ETNK1: variants seen among roughly 807,000 people sequenced by gnomAD.
ETNK1 encodes the protein putative protein product of Nbla10396.
In ETNK1, 8 loss-of-function variants were observed where a neutral mutation model predicts 45.1. The observed-to-expected ratio is 0.18, with a 90% CI of 0.10 to 0.32. The LOEUF is 0.32. ETNK1 is among the 10% of genes least tolerant of loss of function. The pLI is 1.00. For synonymous variants in ETNK1, 152 were observed against 151.9 expected (o/e 1.00, Z -0.01); for missense variants, 302 against 430.6 (o/e 0.70, Z 2.64).
chr12:22,627,115 A>C (rs757249589), intron 1 of ETNK1, among the ~76,000 whole-genome samples: 2 of 152,050 alleles, frequency 1.3e-5, no homozygotes, highest in African/African-American at 2.4e-5. Flanking sequence ...TGTCTGTAGA[A>C]TAGTAATAAT....
chr12:22,646,689 A>T (rs1953811163), intron 2 of ETNK1, among the ~76,000 whole-genome samples: 1 of 151,862 alleles, frequency 6.6e-6, no homozygotes, highest in Non-Finnish European at 1.5e-5. Flanking sequence ...ATCAAAGTCC[A>T]CAGTACTTTC....
At chr12:22,644,963 C>G (rs1953788902) in intron 2 of ETNK1, among the ~76,000 whole-genome samples, 2 of 151,938 alleles carry the variant, frequency 1.3e-5, no homozygotes, top group Non-Finnish European at 2.9e-5. Context: ...ACCAGTAACA[C>G]TTATCTATTG....
chr12:22,635,555 G>T (rs1311162792), intron 1 of ETNK1, among the ~76,000 whole-genome samples: 4 of 152,226 alleles, frequency 2.6e-5, no homozygotes, highest in African/African-American at 9.6e-5. Context: ...TTAGGTGACA[G>T]ATACCACTTG....
intron 2 of ETNK1, among the ~76,000 whole-genome samples, chr12:22,654,948 A>T (rs1953919692): frequency 6.6e-6 from 1 of 152,184 alleles, no homozygotes; most frequent in Non-Finnish European, 1.5e-5. Flanking sequence ...GTGTGCATTC[A>T]ATCTTTCTAT....
At chr12:22,649,538 G>A (rs1953848465) in intron 2 of ETNK1, among the ~76,000 whole-genome samples, 1 of 152,002 alleles carries the variant, frequency 6.6e-6, no homozygotes, top group Non-Finnish European at 1.5e-5. Flanking sequence ...ATATGGGTCT[G>A]TTTCTGGGTT....
At chr12:22,656,511 A>G (rs1953942690) in intron 2 of ETNK1, 1 of 985,286 alleles carries the variant, frequency 1.0e-6, no homozygotes, top group Non-Finnish European at 1.2e-6. Flanking sequence ...TTGGATGACT[A>G]CTTCCCTGAG....
chr12:22,640,522 CA>C (rs1196801307), intron 1 of ETNK1, among the ~76,000 whole-genome samples: 3 of 150,554 alleles, frequency 2.0e-5, no homozygotes, highest in Non-Finnish European at 4.4e-5. Flanking sequence ...ATTGTTTTAA[CA>C]TATATTTTAG....
chr12:22,635,236 C>T (rs1371816214), intron 1 of ETNK1, among the ~76,000 whole-genome samples: 1 of 152,230 alleles, frequency 6.6e-6, no homozygotes, highest in Non-Finnish European at 1.5e-5. Context: ...TGCTCTGCTT[C>T]AGTATGTGTG....
intron 1 of ETNK1, among the ~76,000 whole-genome samples, chr12:22,630,255 T>G (rs11046503): frequency 0.23 from 35,208 of 152,054 alleles, 4,881 homozygotes; most frequent in Non-Finnish European, 0.32. Flanking sequence ...ACTACGTTCT[T>G]CCACCTCTCA....
intron 6 of ETNK1, among the ~76,000 whole-genome samples, chr12:22,681,763 C>G (rs1281517137): frequency 6.6e-6 from 1 of 151,992 alleles, no homozygotes; most frequent in African/African-American, 2.4e-5. Flanking sequence ...TCTTTAATGT[C>G]TGGTTTAATG....
intron 2 of ETNK1, among the ~76,000 whole-genome samples, chr12:22,652,366 A>G (rs1343379088): frequency 6.6e-6 from 1 of 152,182 alleles, no homozygotes; most frequent in East Asian, 1.9e-4. Flanking sequence ...TTTCGGGTGA[A>G]TGCCCAGAAG....
At chr12:22,682,704 T>TA (rs1954224709) in intron 6 of ETNK1, among the ~76,000 whole-genome samples, 1 of 152,060 alleles carries the variant, frequency 6.6e-6, no homozygotes, top group South Asian at 2.1e-4. Context: ...ATAAGACTAT[T>TA]ACACTAGTGT....
In ETNK1 at chr12:22,690,167, T is replaced by G. The variant is rs1162245335; in HGVS notation, c.*5213T>G. ...GTGAACCATAGTAGTATAATGCTGC[T>G]TTGTATATAATGTAAGTGCTACAAA... On this transcript the variant is annotated 3_prime_UTR_variant, in exon 8 of 8. Transcript: ENST00000266517. 1.3e-5 allele frequency: 2 copies of G among 152,520 alleles called. No individual in the cohort carries two copies. Among genetic ancestry groups the G allele is most frequent in the Non-Finnish European group, 2.9e-5 (2 of 67,914 alleles). The allele number at this position is 152,520 out of a possible 1,614,324, so 9.4% of individuals were successfully genotyped here.
In ETNK1 at chr12:22,661,125, T is replaced by G. The variant is rs1384730171; in HGVS notation, c.620T>G (p.Ile207Ser). The G allele has an allele frequency of 1.2e-6, 2 of 1,612,766 alleles. No individual in the cohort carries two copies. Among genetic ancestry groups the G allele is most frequent in the Admixed American group, 1.7e-5 (1 of 59,680 alleles). The stretch of plus-strand genomic sequence containing the variant: ...GAAGAGATGACTTGGATGAAGGAGA[T>G]TCTTTCCAACCTGGGCTCACCTGTT... ...LQEEMTWMKE[I>S]LSNLGSPVVL... Residue 207 changes from isoleucine to serine, a missense_variant, in exon 4 of 8, where the codon ATT becomes AGT. Physicochemically the swap from Ile to Ser is moderately radical, Grantham distance 142 (BLOSUM62 -2). Transcript: ENST00000266517.
At chr12:22,636,211 G>A (rs1953653826) in intron 1 of ETNK1, among the ~76,000 whole-genome samples, 1 of 152,018 alleles carries the variant, frequency 6.6e-6, no homozygotes. Flanking sequence ...GTAGTGTTCT[G>A]TGTATGTCAG....
intron 6 of ETNK1, among the ~76,000 whole-genome samples, chr12:22,676,368 A>G (rs1490772895): frequency 1.3e-5 from 2 of 152,034 alleles, no homozygotes; most frequent in Non-Finnish European, 2.9e-5. Context: ...TTAGTATTCC[A>G]TGGTGTATAT....
chr12:22,632,464 A>T (rs906444791), intron 1 of ETNK1, among the ~76,000 whole-genome samples: 4 of 151,988 alleles, frequency 2.6e-5, no homozygotes, highest in African/African-American at 9.7e-5. Context: ...TTTGATGATC[A>T]TGTTAAACAT....
intron 2 of ETNK1, among the ~76,000 whole-genome samples, chr12:22,652,430 C>T (rs1370977864): frequency 6.6e-6 from 1 of 152,150 alleles, no homozygotes; most frequent in African/African-American, 2.4e-5. Context: ...GAGGAACCAC[C>T]ATACTGTTTT....
At chr12:22,641,060 G>GT (rs139151418) in intron 1 of ETNK1, among the ~76,000 whole-genome samples, 5,737 of 152,198 alleles carry the variant, frequency 0.038, 297 homozygotes, top group East Asian at 0.24. Flanking sequence ...CAATGCAAAG[G>GT]TAAGAAGTAT....
Sources: allele counts gnomAD v4.1 joint callset (sites outside exome capture counted in the v4.1 genomes callset), GRCh38; gene constraint gnomAD v4.1.1; transcripts MANE v1.5; gene names NCBI Gene and HGNC (gene_info 2026-07-23, HGNC 2026-07-21).